Variants in SIGLEC1 observed in about 807,000 individuals in gnomAD.
SIGLEC1 encodes the protein sialoadhesin.
In SIGLEC1, 132 loss-of-function variants were observed where a neutral mutation model predicts 148.0. The ratio of observed to expected loss-of-function variants is 0.89; its 90% confidence interval spans 0.77 to 1.03. SIGLEC1 has a LOEUF of 1.03. Among genes scored for constraint, SIGLEC1 ranks in the 50% least tolerant of loss-of-function variants. The pLI is 0.00. For synonymous variants in SIGLEC1, 945 were observed against 969.0 expected (o/e 0.98, Z 0.46); for missense variants, 2,253 against 2,271.4 (o/e 0.99, Z 0.16).
intron 21 of SIGLEC1, chr20:3,688,928 G>T (rs551773343): frequency 1.7e-4 from 100 of 603,340 alleles, no homozygotes; most frequent in African/African-American, 1.5e-3. Context: ...AGTCCAGAAA[G>T]TCTCCCCTAG....
At chr20:3,706,950 C>T in intron 2 of SIGLEC1, 130 bp downstream of exon 2, 2 of 1,125,202 alleles carry the variant, frequency 1.8e-6, no homozygotes, top group South Asian at 1.3e-5. Context: ...CAGCTCCTGG[C>T]CACTGCCCGA....
intron 11 of SIGLEC1, 105 bp downstream of exon 11, chr20:3,696,481 A>G (rs2088823253): frequency 8.4e-7 from 1 of 1,188,128 alleles, no homozygotes; most frequent in African/African-American, 1.5e-5. Flanking sequence ...CAGGACTGAA[A>G]AAGACATATT....
rs2088717961 is a variant in SIGLEC1 at position 3,688,219 on chromosome 20, T to G, written c.*341A>C. On this transcript the variant is annotated 3_prime_UTR_variant, in exon 22 of 22. Transcript: ENST00000344754. ...CCTCTGAGGATGCAGGATGCTGCAA[T>G]CCAACCAAAGTCCAGGGTGACTTTC... is the stretch of plus-strand genomic sequence containing the variant. 2 of 361,340 alleles carry G rather than the reference T, an allele frequency of 5.5e-6. No homozygotes were observed. Among genetic ancestry groups the G allele is most frequent in the Admixed American group, 8.6e-5 (2 of 23,366 alleles). 22.4% of individuals were successfully genotyped at this position (361,340 alleles called of 1,614,324 possible). A position where few individuals can be genotyped will look rare whatever the true frequency, so the allele number is the denominator to read the frequency against.
Position 3,712,366 on chromosome 20 carries a change from C to CT in SIGLEC1, c.-110+103_-110+104insA, listed in dbSNP as rs879945496. Among the ~76,000 whole-genome samples the CT allele has an allele frequency of 1.1e-3, 47 of 43,374 alleles. 3 individuals are homozygous for CT. Among genetic ancestry groups the CT allele is most frequent in the Middle Eastern group, 0.013 (1 of 80 alleles). 28.5% of individuals were successfully genotyped at this position (43,374 alleles called of 152,430 possible). ...GTCCACCACTCGCACCCAGATGGAGCCCCCCCCCGACCCCTGCCCCTATCC... is the reference window on the plus strand; with the variant it reads ...GTCCACCACTCGCACCCAGATGGAGCTCCCCCCCCGACCCCTGCCCCTATCC... On this transcript the variant is annotated intron_variant, in intron 1 of 21. Transcript: ENST00000344754.
chr20:3,698,336 C>T (rs1360823291), intron 8 of SIGLEC1, among the ~76,000 whole-genome samples: 1 of 152,240 alleles, frequency 6.6e-6, no homozygotes, highest in Non-Finnish European at 1.5e-5. Context: ...CTAAGCTGTG[C>T]CCTGATGCCT....
Position 3,706,332 on chromosome 20 carries a change from C to G in SIGLEC1, c.409+15G>C, listed in dbSNP as rs8122358. The G allele has an allele frequency of 3.1e-5, 50 of 1,595,086 alleles. No individual in the cohort carries two copies. The highest frequency in any genetic ancestry group is 4.3e-5 in the Non-Finnish European group (50 of 1,169,352). ...AATCCCTCCCGGGGGGCAGCCAGGC[C>G]ACCCCACTTATCACCTGTTACTGTG... On this transcript the variant is annotated intron_variant, in intron 3 of 21. Transcript: ENST00000344754.
At chr20:3,696,961 C>T (rs1050974301) in intron 10 of SIGLEC1, 73 bp from the exon 11 acceptor site, 3 of 1,529,982 alleles carry the variant, frequency 2.0e-6, no homozygotes, top group Non-Finnish European at 1.8e-6. Context: ...ATGTCCCCCA[C>T]CTCCTGCCAC....
rs1286512433 is a variant in SIGLEC1 at position 3,706,516 on chromosome 20, C to T, written c.240G>A (p.Glu80=). ...VSHSADPKLV[E]ARFRGRTEFM... ...ACTCGGTGCGGCCGCGGAAGCGGGC[C>T]TCCACCAGCTTGGGGTCCGCCGAGT... Residue 80 remains glutamate, a synonymous_variant, in exon 3 of 22, where the codon GAG becomes GAA. Transcript: ENST00000344754. 3.7e-6 allele frequency: 6 copies of T among 1,613,292 alleles called. No individual in the cohort carries two copies. The highest frequency in any genetic ancestry group is 2.7e-5 in the African/African-American group (2 of 74,942).
Position 3,694,798 on chromosome 20 carries a change from G to A in SIGLEC1, c.2809C>T (p.Leu937Phe). Residue 937 changes from leucine to phenylalanine, a missense_variant, in exon 12 of 22, where the codon CTC becomes TTC. Leu to Phe is a conservative substitution (Grantham distance 22, BLOSUM62 0). Coordinates refer to ENST00000344754, the MANE Select transcript of SIGLEC1 (RefSeq NM_023068.4). ...SYRWYRDGQP[L>F]QESTSATLRF... is the part of the protein sequence containing the mutation. The stretch of plus-strand genomic sequence containing the variant: ...AGCGTGGCCGAGGTCGACTCCTGGA[G>A]GGGCTGGCCATCCCGATACCAACGA... The A allele has an allele frequency of 6.2e-7, 1 of 1,613,640 alleles. No individual in the cohort carries two copies. Among genetic ancestry groups the A allele is most frequent in the Non-Finnish European group, 8.5e-7 (1 of 1,180,032 alleles).
rs762031442 is a variant in SIGLEC1 at position 3,687,474 on chromosome 20, G to A, written c.*1086C>T. 2 of 152,262 alleles carry A rather than the reference G, an allele frequency of 1.3e-5. No homozygotes were observed. The highest frequency in any genetic ancestry group is 1.9e-4 in the East Asian group (1 of 5,194). The allele number at this position is 152,262 out of a possible 1,614,324, so 9.4% of individuals were successfully genotyped here. On this transcript the variant is annotated 3_prime_UTR_variant, in exon 22 of 22. Coordinates refer to ENST00000344754, the MANE Select transcript of SIGLEC1 (RefSeq NM_023068.4). ...TACCCAGTCCCTGGGGGTAGGGGGG[G>A]TGGTGGTGGGAATGAGGGCATCTCT...
chr20:3,711,865 T>G (rs2087930646), intron 1 of SIGLEC1, among the ~76,000 whole-genome samples: 1 of 152,102 alleles, frequency 6.6e-6, no homozygotes, highest in Non-Finnish European at 1.5e-5. Flanking sequence ...ATGGATGAAG[T>G]GGAATTGTGC....
Position 3,705,657 on chromosome 20 carries a change from TC to T in SIGLEC1, c.706+86del, listed in dbSNP as rs1280541875. On this transcript the variant is annotated intron_variant, in intron 4 of 21. Coordinates refer to ENST00000344754, the MANE Select transcript of SIGLEC1 (RefSeq NM_023068.4). ...CTGGTTTTGCATCAGGAGCAAGGGTTCCGTTTCTGTGGGCTGGAGAGGGGCT... is the reference window on the plus strand; with the variant it reads ...CTGGTTTTGCATCAGGAGCAAGGGTTCGTTTCTGTGGGCTGGAGAGGGGCT... 489 of 1,427,956 alleles carry T rather than the reference TC, an allele frequency of 3.4e-4. 2 individuals carry two copies. Among genetic ancestry groups the T allele is most frequent in the Non-Finnish European group, 3.3e-4 (350 of 1,045,778 alleles). The allele number at this position is 1,427,956 out of a possible 1,614,324, so 88.5% of individuals were successfully genotyped here.
intron 11 of SIGLEC1, 126 bp downstream of exon 11, chr20:3,696,457 GAAA>G (rs200373309): frequency 1.2e-6 from 1 of 826,862 alleles, no homozygotes; most frequent in South Asian, 2.9e-5. Flanking sequence ...CTGCTGGCTG[GAAA>G]CTGCCCTTAC....
chr20:3,701,956 G>A (rs1442969354), intron 6 of SIGLEC1, among the ~76,000 whole-genome samples: 1 of 152,186 alleles, frequency 6.6e-6, no homozygotes, highest in East Asian at 1.9e-4. Flanking sequence ...AGCATCATCA[G>A]CAATGGGACA....
chr20:3,703,136 G>C, intron 6 of SIGLEC1, 61 bp downstream of exon 6: 1 of 1,605,376 alleles, frequency 6.2e-7, no homozygotes, highest in South Asian at 1.1e-5. Context: ...CCCTTCCTTG[G>C]GGCTCCACCA....
At position 3,703,905 on chromosome 20, in the gene SIGLEC1, C is replaced by T; in HGVS notation, c.893G>A (p.Ser298Asn). ...GVLHLPQAAW[S>N]DAGVYTCQAE... ...TTGGCAGGTGTAGACGCCAGCATCG[C>T]TCCAGGCTGCCTGGGGCAGGTGCAG... Residue 298 changes from serine (S) to asparagine (N), a missense_variant, in exon 5 of 22, where the codon AGC (serine) becomes AAC (asparagine). Transcript: ENST00000344754. 6.2e-7 allele frequency: 1 copy of T among 1,614,062 alleles called. No individual in the cohort carries two copies. Among genetic ancestry groups the T allele is most frequent in the Non-Finnish European group, 8.5e-7 (1 of 1,179,992 alleles).
intron 11 of SIGLEC1, among the ~76,000 whole-genome samples, chr20:3,695,614 G>A (rs1345901942): frequency 2.0e-5 from 3 of 152,156 alleles, no homozygotes. Flanking sequence ...TGCAACTGGG[G>A]AAAAGCTCCT....
In SIGLEC1 at chr20:3,690,066, C is replaced by G; in HGVS notation, c.4790G>C (p.Arg1597Thr). 7 of 1,612,158 alleles carry G rather than the reference C, an allele frequency of 4.3e-6. No individual in the cohort carries two copies. Among genetic ancestry groups the G allele is most frequent in the Non-Finnish European group, 5.1e-6 (6 of 1,179,500 alleles). The change falls in exon 19 of 22, where the codon AGG (arginine) becomes ACG (threonine). Residue 1597 changes from arginine to threonine, a missense_variant. Physicochemically the swap from Arg to Thr is moderately conservative, Grantham distance 71. Coordinates refer to ENST00000344754, the MANE Select transcript of SIGLEC1 (RefSeq NM_023068.4). ...IHVLASPNAL[R>T]VDIEALRPSD... ...GGGCCTCAGCGCCTCGATGTCCACC[C>G]TCAGGGCATTGGGGGAAGCCAGGAC...
chr20:3,698,767 C>T (rs1314183901), intron 8 of SIGLEC1, among the ~76,000 whole-genome samples: 1 of 152,212 alleles, frequency 6.6e-6, no homozygotes, highest in African/African-American at 2.4e-5. Context: ...GGAATCAGGC[C>T]CTTGGTCTTA....
Sources: gnomAD v4.1 joint callset for allele counts (sites outside exome capture counted in the v4.1 genomes callset) on GRCh38, gnomAD v4.1.1 for gene constraint, MANE v1.5 for transcripts, NCBI Gene and HGNC (gene_info 2026-07-23, HGNC 2026-07-21) for gene names.